RFX3: variants seen among roughly 807,000 people sequenced by gnomAD.
RFX3 encodes the protein regulatory factor X3, also known as transcription factor RFX3.
A neutral mutation model predicts 98.6 loss-of-function variants in RFX3; 14 were observed. The ratio of observed to expected loss-of-function variants is 0.14; its 90% CI spans 0.09 to 0.22. The LOEUF (loss-of-function observed/expected upper bound fraction) is 0.22. Ranked by LOEUF, RFX3 falls within the 10% of genes least tolerant of loss-of-function variation. RFX3 has a pLI of 1.00. For synonymous variants in RFX3, 383 were observed against 328.4 expected (o/e 1.17, Z -1.80); for missense variants, 639 against 926.9 (o/e 0.69, Z 4.03).
intron 7 of RFX3, among the ~76,000 whole-genome samples, chr9:3,278,715 C>T (rs995957478): frequency 6.6e-6 from 1 of 151,814 alleles, no homozygotes; most frequent in African/African-American, 2.4e-5. Context: ...AATTGCAACT[C>T]AGATAAATGA....
chr9:3,387,378 T>G (rs192645391), intron 2 of RFX3, among the ~76,000 whole-genome samples: 2 of 152,232 alleles, frequency 1.3e-5, no homozygotes, highest in East Asian at 3.9e-4. Flanking sequence ...AAAAAAAAAT[T>G]TTTTTAATTA....
At chr9:3,237,316 G>C (rs2130802346) in intron 15 of RFX3, among the ~76,000 whole-genome samples, 1 of 152,264 alleles carries the variant, frequency 6.6e-6, no homozygotes, top group Middle Eastern at 3.4e-3. Flanking sequence ...TGGATTCTTT[G>C]TAATTCCATG....
intron 2 of RFX3, among the ~76,000 whole-genome samples, chr9:3,385,760 G>A (rs756127524): frequency 6.6e-6 from 1 of 151,432 alleles, no homozygotes; most frequent in African/African-American, 2.4e-5. Context: ...GGACGTCCTT[G>A]GGAATAGTTG....
intron 1 of RFX3, among the ~76,000 whole-genome samples, chr9:3,412,649 G>A (rs997740875): frequency 6.6e-6 from 1 of 152,046 alleles, no homozygotes; most frequent in Admixed American, 6.6e-5. Flanking sequence ...GATGCAACAT[G>A]GTTGCAGTAA....
At position 3,467,029 on chromosome 9, in the gene RFX3, TA is replaced by T. The variant is rs1400298612; in HGVS notation, c.-9+58717del. On this transcript the variant is annotated intron_variant, in intron 1 of 16. Transcript: ENST00000617270. ...GCTGATATACCTAAATCTAAAGAAT[TA>T]TATATATATATATATATGTATATAC... 1.4e-4 allele frequency among the ~76,000 whole-genome samples: 10 copies of T among 71,808 alleles called. No homozygotes were observed. In the East Asian group the frequency reaches 4.5e-3, roughly 32 times the overall value. 47.1% of individuals were successfully genotyped at this position (71,808 alleles called of 152,430 possible).
chr9:3,365,821 T>C (rs1280279818), intron 2 of RFX3, among the ~76,000 whole-genome samples: 2 of 152,002 alleles, frequency 1.3e-5, no homozygotes, highest in Non-Finnish European at 2.9e-5. Flanking sequence ...AATAATTTCA[T>C]CCTCATGTGT....
At chr9:3,520,540 G>C (rs571996495) in intron 1 of RFX3, among the ~76,000 whole-genome samples, 39 of 152,208 alleles carry the variant, frequency 2.6e-4, no homozygotes, top group African/African-American at 9.4e-4. Context: ...AATACAAAAA[G>C]CAATATAAGA....
intron 1 of RFX3, among the ~76,000 whole-genome samples, chr9:3,428,471 A>C (rs1440692460): frequency 6.6e-6 from 1 of 152,228 alleles, no homozygotes; most frequent in Non-Finnish European, 1.5e-5. Flanking sequence ...TTTATTTTAT[A>C]AAGTCTTTCT....
At position 3,271,030 on chromosome 9, in the gene RFX3, G is replaced by A. The variant is rs1304486916; in HGVS notation, c.1175C>T (p.Thr392Ile). 6.2e-7 allele frequency: 1 copy of A among 1,613,666 alleles called. No homozygotes were observed. Among genetic ancestry groups the A allele is most frequent in the Non-Finnish European group, 8.5e-7 (1 of 1,179,626 alleles). The change falls in exon 10 of 17, where the codon ACT becomes ATT. Residue 392 changes from threonine to isoleucine, a missense_variant. Physicochemically the swap from Thr to Ile is moderately conservative, Grantham distance 89. This residue lies in a region of RFX3 where 30 missense variants were observed against 23.0 expected (regional missense o/e 1.30). Coordinates refer to ENST00000617270, the MANE Select transcript of RFX3 (RefSeq NM_001282116.2). Reference sequence around the variant, plus strand: ...CGATTCGGTAATGGTAGTGCCATCAGTTGGAGTAGAGGGAGAATAGCGCCA... The same window carrying A: ...CGATTCGGTAATGGTAGTGCCATCAATTGGAGTAGAGGGAGAATAGCGCCA... Reference protein sequence around the residue: ...TFWRYSPSTPTDGTTITESSN... With the variant: ...TFWRYSPSTPIDGTTITESSN...
intron 1 of RFX3, among the ~76,000 whole-genome samples, chr9:3,476,005 C>A (rs1849214967): frequency 6.6e-6 from 1 of 152,178 alleles, no homozygotes. Context: ...CCTGTCCAGG[C>A]ATGACAGACG....
intron 1 of RFX3, among the ~76,000 whole-genome samples, chr9:3,453,975 C>A (rs1489165352): frequency 6.6e-6 from 1 of 152,022 alleles, no homozygotes; most frequent in East Asian, 1.9e-4. Context: ...CTAGTGATAA[C>A]ATACATAAAT....
At chr9:3,439,419 G>T (rs189215490) in intron 1 of RFX3, among the ~76,000 whole-genome samples, 35 of 152,042 alleles carry the variant, frequency 2.3e-4, no homozygotes, top group African/African-American at 7.9e-4. Flanking sequence ...TAAACCTCTA[G>T]ACAGACTGAT....
intron 1 of RFX3, among the ~76,000 whole-genome samples, chr9:3,486,077 A>C (rs10758273): frequency 0.11 from 16,682 of 147,006 alleles, 1,761 homozygotes; most frequent in East Asian, 0.57. Context: ...GTGAGCCGAG[A>C]TCATCCCATT....
chr9:3,365,781 T>A (rs888966481), intron 2 of RFX3, among the ~76,000 whole-genome samples: 1 of 152,034 alleles, frequency 6.6e-6, no homozygotes, highest in Non-Finnish European at 1.5e-5. Context: ...TTCACAGAGA[T>A]AATGGTATAC....
chr9:3,368,474 T>C (rs1426563868), intron 2 of RFX3, among the ~76,000 whole-genome samples: 4 of 152,284 alleles, frequency 2.6e-5, no homozygotes, highest in Non-Finnish European at 5.9e-5. Flanking sequence ...GAGAACAACA[T>C]AGTTAAGTTT....
At chr9:3,339,413 T>C (rs2131029134) in intron 3 of RFX3, among the ~76,000 whole-genome samples, 1 of 152,048 alleles carries the variant, frequency 6.6e-6, no homozygotes, top group South Asian at 2.1e-4. Context: ...CACACACATG[T>C]ACGTTAAGTC....
chr9:3,447,305 C>A (rs866079270), intron 1 of RFX3, among the ~76,000 whole-genome samples: 3 of 151,908 alleles, frequency 2.0e-5, no homozygotes, highest in African/African-American at 7.2e-5. Context: ...ACAAAAGAAG[C>A]AATTTTAAAC....
At chr9:3,286,922 G>A (rs1758184682) in intron 7 of RFX3, among the ~76,000 whole-genome samples, 1 of 151,800 alleles carries the variant, frequency 6.6e-6, no homozygotes, top group African/African-American at 2.4e-5. Flanking sequence ...TACTCAAAGA[G>A]CACTTTCTCT....
chr9:3,285,152 T>A (rs961692336), intron 7 of RFX3, among the ~76,000 whole-genome samples: 6 of 151,822 alleles, frequency 4.0e-5, no homozygotes, highest in African/African-American at 1.4e-4. Context: ...TTCTTCACTA[T>A]AAGAACATAT....
Sources: gnomAD v4.1 joint callset for allele counts (sites outside exome capture counted in the v4.1 genomes callset) on GRCh38, gnomAD v4.1.1 for gene constraint, gnomAD v4.1.1 regional missense constraint, MANE v1.5 for transcripts, NCBI Gene and HGNC (gene_info 2026-07-23, HGNC 2026-07-21) for gene names.